LRIG3: variants seen among roughly 807,000 people sequenced by gnomAD.
LRIG3 encodes leucine-rich repeats and immunoglobulin-like domains protein 3.
LRIG3 carries 76 observed loss-of-function variants against 114.5 expected under a neutral mutation model. The ratio of observed to expected loss-of-function variants is 0.66; its 90% CI spans 0.55 to 0.80. The LOEUF is 0.80. Among genes scored for constraint, LRIG3 ranks in the 30% least tolerant of loss-of-function variants. The pLI, the probability that LRIG3 is intolerant of heterozygous loss-of-function variation, is 0.00. For synonymous variants in LRIG3, 512 were observed against 519.8 expected, an observed-to-expected ratio of 0.98 and a Z score of 0.20; for missense variants, 1,239 against 1,382.8, an observed-to-expected ratio of 0.90 and a Z score of 1.65.
At chr12:58,888,275 C>A in intron 7 of LRIG3, 54 bp downstream of exon 7, 1 of 1,577,916 alleles carries the variant, frequency 6.3e-7, no homozygotes, top group Non-Finnish European at 8.7e-7. Flanking sequence ...AAGCTCATGC[C>A]CTGGCATGAT....
chr12:58,886,123 G>C (rs1191926678), intron 9 of LRIG3, among the ~76,000 whole-genome samples: 5 of 152,150 alleles, frequency 3.3e-5, no homozygotes, highest in Admixed American at 6.5e-5. Flanking sequence ...TAGGTATTCA[G>C]TAAGTCACTC....
intron 14 of LRIG3, 124 bp downstream of exon 14, chr12:58,878,700 G>C: frequency 1.7e-6 from 2 of 1,153,092 alleles, no homozygotes; most frequent in Middle Eastern, 2.1e-4. Context: ...ATACTTTCTA[G>C]GAAAAGGCAA....
rs1871293684 is a variant in LRIG3 at position 58,886,900 on chromosome 12, AAAG to A, written c.1092-13_1092-11del. On this transcript the variant is annotated splice_polypyrimidine_tract_variant and intron_variant, in intron 8 of 18. Transcript: ENST00000320743. ...ATTGTTCTTCAGATCCCTAATTTTA[AAAG>A]AAGCATTCCCTTTAGAGTGATAAGC... The A allele has an allele frequency of 6.2e-7, 1 of 1,606,724 alleles. No homozygotes were observed. Among genetic ancestry groups the A allele is most frequent in the African/African-American group, 1.3e-5 (1 of 74,722 alleles).
chr12:58,901,345 C>A (rs748234367), intron 3 of LRIG3, among the ~76,000 whole-genome samples: 1 of 152,182 alleles, frequency 6.6e-6, no homozygotes, highest in Non-Finnish European at 1.5e-5. Flanking sequence ...ATAAGTCAGA[C>A]CACATCTCAG....
At chr12:58,909,898 C>G (rs187667573) in intron 3 of LRIG3, among the ~76,000 whole-genome samples, 1 of 152,338 alleles carries the variant, frequency 6.6e-6, no homozygotes, top group East Asian at 1.9e-4. Flanking sequence ...CTAAACCATC[C>G]TCCTGCCACC....
chr12:58,913,872 G>GA, intron 3 of LRIG3, 110 bp downstream of exon 3: 1 of 943,016 alleles, frequency 1.1e-6, no homozygotes, highest in Non-Finnish European at 1.6e-6. Flanking sequence ...ACTATGCCCT[G>GA]AAAAAAATAT....
Position 58,883,437 on chromosome 12 carries a change from A to G in LRIG3, c.1316+83T>C, listed in dbSNP as rs906879540. On this transcript the variant is annotated intron_variant, in intron 11 of 18. Coordinates refer to ENST00000320743, the MANE Select transcript of LRIG3 (RefSeq NM_153377.5). ...TAAGAATGTGCCAGGCACTTTTTAT[A>G]GATACATAATCCAGGATGCCACACC... 4.6e-5 allele frequency: 43 copies of G among 942,684 alleles called. 1 individual carries two copies. The African/African-American group carries it at 6.3e-4, about 14-fold the overall frequency. The allele number at this position is 942,684 out of a possible 1,614,324, so 58.4% of individuals were successfully genotyped here.
chr12:58,882,795 A>C, intron 12 of LRIG3, 74 bp downstream of exon 12: 1 of 1,464,068 alleles, frequency 6.8e-7, no homozygotes, highest in Non-Finnish European at 9.2e-7. Context: ...AATCTATTCA[A>C]AACCATTATT....
At chr12:58,906,912 A>T (rs1171610319) in intron 3 of LRIG3, among the ~76,000 whole-genome samples, 1 of 151,998 alleles carries the variant, frequency 6.6e-6, no homozygotes, top group African/African-American at 2.4e-5. Context: ...GGAGAAAAGT[A>T]GATTCTTTGC....
At chr12:58,899,716 T>C (rs1218791336) in intron 3 of LRIG3, among the ~76,000 whole-genome samples, 1 of 152,216 alleles carries the variant, frequency 6.6e-6, no homozygotes, top group South Asian at 2.1e-4. Context: ...AAAAGTCTGA[T>C]GATCACTGGC....
chr12:58,889,875 A>C, intron 5 of LRIG3, 121 bp downstream of exon 5: 1 of 1,264,352 alleles, frequency 7.9e-7, no homozygotes, highest in East Asian at 2.4e-5. Context: ...CCAACTCTCA[A>C]AGGAAAGGCA....
At chr12:58,890,855 A>G in intron 3 of LRIG3, 59 bp from the exon 4 acceptor site, 1 of 1,523,540 alleles carries the variant, frequency 6.6e-7, no homozygotes, top group Non-Finnish European at 8.8e-7. Context: ...TGAAAGAAGA[A>G]AAATATTTTC....
intron 3 of LRIG3, among the ~76,000 whole-genome samples, chr12:58,910,412 G>A (rs982719441): frequency 4.6e-5 from 7 of 151,882 alleles, no homozygotes; most frequent in Non-Finnish European, 8.8e-5. Flanking sequence ...GATCGAGACC[G>A]TCCTGGCTAA....
At chr12:58,889,902 T>TAAACTCCTTTTTGCC in intron 5 of LRIG3, 94 bp downstream of exon 5, 3 of 1,474,642 alleles carry the variant, frequency 2.0e-6, no homozygotes, top group Non-Finnish European at 2.8e-6. Context: ...TCCTTGCTCC[T>TAAACTCCTTTTTGCC]AAACTCCTTT....
chr12:58,872,787 G>A lies in LRIG3; in HGVS notation c.3145C>T (p.His1049Tyr). 1 of 1,613,868 alleles carries A rather than the reference G, an allele frequency of 6.2e-7. No homozygotes were observed. The highest frequency in any genetic ancestry group is 8.5e-7 in the Non-Finnish European group (1 of 1,179,814). The part of the protein sequence containing the change: ...GTFGKALRRP[H>Y]LDAYSSFGQP... ...CCAAAGCTTGAATAGGCATCTAGGT[G>A]AGGTCTCCTGAGAGCTTTTCCAAAG... Residue 1049 changes from histidine (H) to tyrosine (Y), a missense_variant, in exon 19 of 19, where the codon CAC becomes TAC. Coordinates refer to ENST00000320743, the MANE Select transcript of LRIG3 (RefSeq NM_153377.5).
intron 12 of LRIG3, among the ~76,000 whole-genome samples, chr12:58,881,495 C>T (rs1160325886): frequency 6.6e-6 from 1 of 151,920 alleles, no homozygotes; most frequent in African/African-American, 2.4e-5. Context: ...CTGGCTTCAG[C>T]CTGGAGCTTT....
In LRIG3 at chr12:58,874,176, A is replaced by G. The variant is rs144673901; in HGVS notation, c.2994T>C (p.Leu998=). ...CTTCATTGTGAGAGTAACTAGTGTT[A>G]AGTAGCTTCCTCACATGTGAAGGCC... is the stretch of plus-strand genomic sequence containing the variant. The part of the protein sequence containing the change: ...ISWPSHVRKL[L]NTSYSHNEGP... The change falls in exon 18 of 19, where the codon CTT becomes CTC. Residue 998 remains leucine, a synonymous_variant. Transcript: ENST00000320743. The G allele has an allele frequency of 6.8e-6, 11 of 1,614,108 alleles. No individual in the cohort carries two copies. The African/African-American group carries it at 1.5e-4, about 22-fold the overall frequency.
chr12:58,886,699 T>C (rs575043948), intron 9 of LRIG3, 111 bp downstream of exon 9: 2 of 809,502 alleles, frequency 2.5e-6, no homozygotes, highest in South Asian at 1.7e-5. Context: ...GTAACCAGAT[T>C]AAGCACTGAT....
intron 18 of LRIG3, 87 bp from the exon 19 acceptor site, chr12:58,872,903 C>T: frequency 6.6e-7 from 1 of 1,514,376 alleles, no homozygotes; most frequent in South Asian, 1.3e-5. Flanking sequence ...GAACATCTTA[C>T]CCCATGAATA....
Sources: gnomAD v4.1 joint callset for allele counts (sites outside exome capture counted in the v4.1 genomes callset) on GRCh38, gnomAD v4.1.1 for gene constraint, MANE v1.5 for transcripts, NCBI Gene and HGNC (gene_info 2026-07-23, HGNC 2026-07-21) for gene names.